RASA3: variants seen among roughly 807,000 people sequenced by gnomAD.
RASA3 encodes the protein RAS p21 protein activator 3.
A neutral mutation model predicts 110.0 loss-of-function variants in RASA3; 73 were observed. That is an observed-to-expected ratio of 0.66 (90% CI 0.55 to 0.81). RASA3 has a LOEUF of 0.81. Among genes scored for constraint, RASA3 ranks in the 30% least tolerant of loss-of-function variants. The pLI, the probability that RASA3 is intolerant of heterozygous loss-of-function variation, is 0.00. For missense variants in RASA3, 976 were observed against 1,113.2 expected (o/e 0.88, Z 1.75); for synonymous variants, 500 against 451.4 (o/e 1.11, Z -1.37).
At chr13:114,034,176 C>G (rs772054240) in intron 4 of RASA3, among the ~76,000 whole-genome samples, 1 of 152,112 alleles carries the variant, frequency 6.6e-6, no homozygotes, top group Non-Finnish European at 1.5e-5. Flanking sequence ...TGGCTATCCA[C>G]GGGCTAAAGG....
chr13:114,011,915 T>C lies in RASA3; in HGVS notation c.1513-667A>G, dbSNP rs2053644074. Among the ~76,000 whole-genome samples, 1 of 151,726 alleles carries C rather than the reference T, an allele frequency of 6.6e-6. No individual in the cohort carries two copies. Among genetic ancestry groups the C allele is most frequent in the Admixed American group, 6.6e-5 (1 of 15,240 alleles). ...CCAGCCTGGTGACAGAGCAAGACTC[T>C]GTCTCAAAAAAAAAGAAGTGCTGGG... On this transcript the variant is annotated intron_variant, in intron 15 of 23. Coordinates refer to ENST00000334062, the MANE Select transcript of RASA3 (RefSeq NM_007368.4). The surrounding 1 kb of genome is among the most constrained non-coding windows in gnomAD (Gnocchi z 4.8).
chr13:114,105,478 C>T (rs1027589765), intron 1 of RASA3, among the ~76,000 whole-genome samples: 6 of 152,202 alleles, frequency 3.9e-5, no homozygotes, highest in Non-Finnish European at 7.4e-5. Context: ...GAAAAGGGCT[C>T]AGGAGGCCTC....
At chr13:114,029,597 TG>T (rs36168071) in intron 5 of RASA3, among the ~76,000 whole-genome samples, 347 of 30,056 alleles carry the variant, frequency 0.012, 99 homozygotes, top group East Asian at 0.094. Context: ...GGCGTCATCC[TG>T]GGGGCCAGGA....
rs117640109 is a variant in RASA3 at position 114,109,151 on chromosome 13, G to A, written c.55+23284C>T. On this transcript the variant is annotated intron_variant, in intron 1 of 23. Transcript: ENST00000334062. ...GGGTCCTGGCCTGACAAACACACAC[G>A]GGCCCCCGAACACGACCGGCTCCGT... Among the ~76,000 whole-genome samples the A allele has an allele frequency of 9.1e-3, 1,389 of 152,258 alleles. 8 individuals are homozygous for A. The highest frequency in any genetic ancestry group is 0.015 in the Non-Finnish European group (1,025 of 68,014).
chr13:114,013,249 C>T lies in RASA3; in HGVS notation c.1406-1G>A. ...GCAGTGTACCTGACGTCCGGGTCAT[C>T]TGCGGGAGAGAGAAGCAGGGTGACC... On this transcript the variant is annotated splice_acceptor_variant, in intron 14 of 23. Coordinates refer to ENST00000334062, the MANE Select transcript of RASA3 (RefSeq NM_007368.4). LOFTEE classifies it high-confidence loss of function. 1 of 1,610,008 alleles carries T rather than the reference C, an allele frequency of 6.2e-7. No homozygotes were observed. The highest frequency in any genetic ancestry group is 1.1e-5 in the South Asian group (1 of 90,138).
At chr13:114,102,266 C>T (rs565739958) in intron 1 of RASA3, among the ~76,000 whole-genome samples, 2 of 152,128 alleles carry the variant, frequency 1.3e-5, no homozygotes, top group South Asian at 2.1e-4. Flanking sequence ...GGGCAGGCAG[C>T]GGGCTGAGAA....
chr13:114,077,088 A>G (rs183457923), intron 1 of RASA3, among the ~76,000 whole-genome samples: 2 of 152,278 alleles, frequency 1.3e-5, no homozygotes, highest in African/African-American at 4.8e-5. Flanking sequence ...GTCCTGTGGG[A>G]GATGGTGTTT....
In RASA3 at chr13:114,034,770, C is replaced by T. The variant is rs117809510; in HGVS notation, c.373-4883G>A. 5.8e-3 allele frequency among the ~76,000 whole-genome samples: 886 copies of T among 152,250 alleles called. 25 individuals carry two copies. The highest frequency in any genetic ancestry group is 0.057 in the East Asian group (298 of 5,188). The stretch of plus-strand genomic sequence containing the variant: ...ACGCAAGACAAATTTTAAAATGTTC[C>T]GGAATAAACAGAAATGAAAGTGTTA... On this transcript the variant is annotated intron_variant, in intron 4 of 23. Transcript: ENST00000334062.
At chr13:114,080,534 C>T (rs2079767174) in intron 1 of RASA3, among the ~76,000 whole-genome samples, 1 of 152,180 alleles carries the variant, frequency 6.6e-6, no homozygotes, top group South Asian at 2.1e-4. Context: ...ATGTTAAACC[C>T]TCCCAAATAA....
chr13:114,130,586 C>G (rs886810625), intron 1 of RASA3, among the ~76,000 whole-genome samples: 2 of 152,122 alleles, frequency 1.3e-5, no homozygotes, highest in Non-Finnish European at 2.9e-5. Context: ...GGTGAAGCTG[C>G]CTTCTGGGAG....
At chr13:114,092,544 C>A (rs575836545) in intron 1 of RASA3, among the ~76,000 whole-genome samples, 1 of 152,036 alleles carries the variant, frequency 6.6e-6, no homozygotes, top group East Asian at 1.9e-4. Flanking sequence ...ATAATTTTGA[C>A]GTTTTTTAAT....
intron 3 of RASA3, among the ~76,000 whole-genome samples, chr13:114,043,424 G>A (rs1033635827): frequency 6.6e-6 from 1 of 152,106 alleles, no homozygotes; most frequent in African/African-American, 2.4e-5. Flanking sequence ...AAGCAGCCCT[G>A]GGAACAGCCC....
chr13:114,072,054 T>G (rs2079580874), intron 2 of RASA3, among the ~76,000 whole-genome samples: 1 of 152,170 alleles, frequency 6.6e-6, no homozygotes, highest in African/African-American at 2.4e-5. Flanking sequence ...GAGTCACAGC[T>G]ACACGGACAT....
intron 21 of RASA3, among the ~76,000 whole-genome samples, 158 bp from the exon 22 acceptor site, chr13:113,992,746 G>C (rs985178313): frequency 6.6e-6 from 1 of 152,244 alleles, no homozygotes; most frequent in Non-Finnish European, 1.5e-5. Context: ...TGCACAGCCG[G>C]TGTGTTGGCT....
At chr13:114,004,659 T>A (rs1357103195) in intron 18 of RASA3, among the ~76,000 whole-genome samples, 1 of 152,090 alleles carries the variant, frequency 6.6e-6, no homozygotes, top group East Asian at 1.9e-4. Context: ...TGCAGAGCTG[T>A]GGAGGACGTG....
intron 20 of RASA3, 57 bp from the exon 21 acceptor site, chr13:113,996,796 G>T: frequency 6.7e-7 from 1 of 1,485,692 alleles, no homozygotes. Context: ...CTGAGCACGT[G>T]CAAGAGTCCA....
chr13:113,980,156 C>T (rs1346193174), intron 23 of RASA3, among the ~76,000 whole-genome samples: 2 of 141,542 alleles, frequency 1.4e-5, no homozygotes, highest in African/African-American at 2.8e-5. Context: ...CGTGTGTGCA[C>T]ACCTCCTCCC....
chr13:114,124,703 C>T (rs1232221610), intron 1 of RASA3, among the ~76,000 whole-genome samples: 3 of 152,274 alleles, frequency 2.0e-5, no homozygotes, highest in South Asian at 2.1e-4. Context: ...CACTGCTGGA[C>T]GCCCGCTGCG....
intron 3 of RASA3, among the ~76,000 whole-genome samples, chr13:114,047,916 T>C (rs905462466): frequency 1.3e-5 from 2 of 152,192 alleles, no homozygotes; most frequent in Non-Finnish European, 2.9e-5. Context: ...TGGGAACATA[T>C]CTTAGCTGTG....
Sources: gnomAD v4.1 joint callset for allele counts (sites outside exome capture counted in the v4.1 genomes callset) on GRCh38, gnomAD v4.1.1 for gene constraint, Gnocchi (gnomAD v3.1) non-coding constraint, MANE v1.5 for transcripts, NCBI Gene and HGNC (gene_info 2026-07-23, HGNC 2026-07-21) for gene names.